ZNF597: variants seen among roughly 807,000 people sequenced by gnomAD.
ZNF597 encodes the protein zinc finger protein 597.
A neutral mutation model predicts 7.3 loss-of-function variants in ZNF597; 5 were observed. The observed-to-expected ratio is 0.68, with a 90% CI of 0.36 to 1.44. ZNF597 has a LOEUF of 1.44. ZNF597 is among the 40% of genes most tolerant of loss of function. The pLI is 0.04. For missense variants in ZNF597, 585 were observed against 517.9 expected (o/e 1.13, Z -1.26); for synonymous variants, 209 against 185.4 (o/e 1.13, Z -1.04).
Position 3,437,280 on chromosome 16 carries a change from G to A in ZNF597, c.419C>T (p.Thr140Ile), listed in dbSNP as rs1412502217. Residue 140 changes from threonine (T) to isoleucine (I), a missense_variant, in exon 4 of 4, where the codon ACA (threonine) becomes ATA (isoleucine). Coordinates refer to ENST00000301744, the MANE Select transcript of ZNF597 (RefSeq NM_152457.3). ...GGGAGAATCAAGAATTTCAGAAAGTGTGTTGGTTCCTAAATATTCAGAGAG... is the reference window on the plus strand; with the variant it reads ...GGGAGAATCAAGAATTTCAGAAAGTATGTTGGTTCCTAAATATTCAGAGAG... ...VELSEYLGTN[T>I]LSEILDSPWE... 6.2e-7 allele frequency: 1 copy of A among 1,614,220 alleles called. No homozygotes were observed. Among genetic ancestry groups the A allele is most frequent in the Non-Finnish European group, 8.5e-7 (1 of 1,180,048 alleles).
intron 3 of ZNF597, among the ~76,000 whole-genome samples, 157 bp from the exon 4 acceptor site, chr16:3,437,695 C>T (rs1039158644): frequency 1.9e-4 from 29 of 152,010 alleles, no homozygotes; most frequent in Middle Eastern, 3.2e-3. Context: ...ACCAAGCAGA[C>T]TCTCCTGGCC....
intron 3 of ZNF597, among the ~76,000 whole-genome samples, chr16:3,440,462 G>C (rs572810199): frequency 6.6e-6 from 1 of 152,214 alleles, no homozygotes; most frequent in South Asian, 2.1e-4. Flanking sequence ...GTGAAACCCT[G>C]TCTCTACTAA....
rs1423309392 is a variant in ZNF597, at chr16:3,436,621, G to A, written c.1078C>T (p.Gln360Ter). Residue 360 changes from glutamine to a stop codon, truncating the protein, a stop_gained, in exon 4 of 4, where the codon CAG becomes TAG. Transcript: ENST00000301744. LOFTEE classifies it low-confidence loss of function (END_TRUNC). ...FPCFSELISH[Q>*]NIHTEERPHK... The stretch of plus-strand genomic sequence containing the variant: ...GGCCTTTCCTCTGTATGAATGTTCT[G>A]ATGGGAAATAAGCTCAGAGAAACAA... 6.2e-7 allele frequency: 1 copy of A among 1,605,834 alleles called. No individual in the cohort carries two copies.
chr16:3,433,848 T>G lies in ZNF597; in HGVS notation c.*2576A>C, dbSNP rs1399226094. Reference sequence around the variant, plus strand: ...GTTTTCATTTTTTTCTGCATACTAATCATTAACAGTATTATACCAAAAAGC... The same window carrying G: ...GTTTTCATTTTTTTCTGCATACTAAGCATTAACAGTATTATACCAAAAAGC... On this transcript the variant is annotated 3_prime_UTR_variant, in exon 4 of 4. Coordinates refer to ENST00000301744, the MANE Select transcript of ZNF597 (RefSeq NM_152457.3). 1 of 152,180 alleles carries G rather than the reference T, an allele frequency of 6.6e-6. No individual in the cohort carries two copies. Among genetic ancestry groups the G allele is most frequent in the African/African-American group, 2.4e-5 (1 of 41,448 alleles). 9.4% of individuals were successfully genotyped at this position (152,180 alleles called of 1,614,324 possible). A position where few individuals can be genotyped will look rare whatever the true frequency, so the allele number is the denominator to read the frequency against.
chr16:3,443,192 G>A lies in ZNF597; in HGVS notation c.-39C>T, dbSNP rs753514850. On this transcript the variant is annotated 5_prime_UTR_variant, in exon 2 of 4. Transcript: ENST00000301744. ...AATGCCTTCTTCAAGACGCCACAGGGACTTCGTGACAAAGCTGCGGGGGGA... is the reference window on the plus strand; with the variant it reads ...AATGCCTTCTTCAAGACGCCACAGGAACTTCGTGACAAAGCTGCGGGGGGA... 1.9e-6 allele frequency: 3 copies of A among 1,601,366 alleles called. No individual in the cohort carries two copies. Among genetic ancestry groups the A allele is most frequent in the African/African-American group, 1.3e-5 (1 of 74,556 alleles).
intron 3 of ZNF597, among the ~76,000 whole-genome samples, chr16:3,438,217 A>G (rs2034325122): frequency 8.6e-5 from 1 of 11,622 alleles, no homozygotes; most frequent in Non-Finnish European, 3.4e-4. Context: ...CTTGTTTCTT[A>G]AAAAAAAAAA....
chr16:3,437,590 A>C (rs773617703), intron 3 of ZNF597, 52 bp from the exon 4 acceptor site: 2 of 1,524,290 alleles, frequency 1.3e-6, no homozygotes, highest in Non-Finnish European at 1.7e-6. Context: ...TTCAAGGGAT[A>C]CTGGGGAAAA....
Position 3,440,882 on chromosome 16 carries a change from C to T in ZNF597, c.85G>A (p.Val29Met), listed in dbSNP as rs1004127254. ...LAVYFSQEEC[V>M]TLHPAQRSLS... ...GACCTCTGGGCAGGGTGCAGAGTCA[C>T]GCACTCCTCTTGAGAAAAATACACA... Residue 29 changes from valine to methionine, a missense_variant, in exon 3 of 4, where the codon GTG (valine) becomes ATG (methionine). Physicochemically the swap from Val to Met is conservative, Grantham distance 21. Transcript: ENST00000301744. The T allele has an allele frequency of 1.9e-6, 3 of 1,613,896 alleles. No individual in the cohort carries two copies. The highest frequency in any genetic ancestry group is 1.7e-5 in the Admixed American group (1 of 59,994).
At position 3,436,733 on chromosome 16, in the gene ZNF597, A is replaced by G. The variant is rs772966549; in HGVS notation, c.966T>C (p.Ser322=). 12 of 1,614,110 alleles carry G rather than the reference A, an allele frequency of 7.4e-6. No individual in the cohort carries two copies. In the South Asian group the frequency reaches 7.7e-5, roughly 10 times the overall value. ...TGTCCCCATCATCGCTGCAGCGTTCAGAGTCCTCGTCGTGGCTCTTCTCGG... is the reference window on the plus strand; with the variant it reads ...TGTCCCCATCATCGCTGCAGCGTTCGGAGTCCTCGTCGTGGCTCTTCTCGG... ...ALSEKSHDED[S]ERCSDDGDNF... The change falls in exon 4 of 4, where the codon TCT becomes TCC. Residue 322 remains serine (S), a synonymous_variant. Coordinates refer to ENST00000301744, the MANE Select transcript of ZNF597 (RefSeq NM_152457.3).
chr16:3,440,406 C>T (rs1189516191), intron 3 of ZNF597, among the ~76,000 whole-genome samples: 2 of 152,050 alleles, frequency 1.3e-5, no homozygotes, highest in Non-Finnish European at 2.9e-5. Flanking sequence ...GAGGCCGAGG[C>T]GGGTGATCAC....
At chr16:3,440,072 A>G (rs1160933853) in intron 3 of ZNF597, among the ~76,000 whole-genome samples, 1 of 152,164 alleles carries the variant, frequency 6.6e-6, no homozygotes, top group Non-Finnish European at 1.5e-5. Flanking sequence ...ACTACTTAGA[A>G]TAGATAGTTT....
In ZNF597 at chr16:3,442,397, C is replaced by T. The variant is rs1299543836; in HGVS notation, c.33+724G>A. Among the ~76,000 whole-genome samples the T allele has an allele frequency of 2.0e-5, 3 of 152,048 alleles. No homozygotes were observed. The East Asian group carries it at 5.8e-4, about 29-fold the overall frequency. Reference sequence around the variant, plus strand: ...CCATCTCCATAAAGAAGTTTTAGGCCGGGCGCAGTGGCTCACACCTGTAAT... The same window carrying T: ...CCATCTCCATAAAGAAGTTTTAGGCTGGGCGCAGTGGCTCACACCTGTAAT... On this transcript the variant is annotated intron_variant, in intron 2 of 3. Transcript: ENST00000301744.
chr16:3,437,571 G>C, intron 3 of ZNF597, 33 bp from the exon 4 acceptor site: 2 of 1,557,008 alleles, frequency 1.3e-6, no homozygotes, highest in South Asian at 1.2e-5. Context: ...GCAAAACATA[G>C]ACAATATCTT....
chr16:3,437,143 AT>A lies in ZNF597; in HGVS notation c.555del (p.Lys185AsnfsTer15). 14 of 1,614,102 alleles carry A rather than the reference AT, an allele frequency of 8.7e-6. No homozygotes were observed. Among genetic ancestry groups the A allele is most frequent in the Non-Finnish European group, 1.2e-5 (14 of 1,180,008 alleles). On this transcript the variant is annotated frameshift_variant, in exon 4 of 4. Coordinates refer to ENST00000301744, the MANE Select transcript of ZNF597 (RefSeq NM_152457.3). LOFTEE classifies it low-confidence loss of function (END_TRUNC). ...TTGAAGATCTTTCCACAGTCACCAC[AT>A]TTATGTTTTTTCTCTCCTGAATGAA... ...QKIHSGEKKH[K>X]CGDCGKIFNH...
In ZNF597 at chr16:3,436,744, C is replaced by A; in HGVS notation, c.955G>T (p.Asp319Tyr). 1 of 1,613,866 alleles carries A rather than the reference C, an allele frequency of 6.2e-7. No individual in the cohort carries two copies. The highest frequency in any genetic ancestry group is 1.3e-5 in the African/African-American group (1 of 75,000). Residue 319 changes from aspartate (D) to tyrosine (Y), a missense_variant, in exon 4 of 4, where the codon GAC becomes TAC. Transcript: ENST00000301744. ...TCGCTGCAGCGTTCAGAGTCCTCGTCGTGGCTCTTCTCGGAAAGGGCAGGA... is the reference window on the plus strand; with the variant it reads ...TCGCTGCAGCGTTCAGAGTCCTCGTAGTGGCTCTTCTCGGAAAGGGCAGGA... ...LYPALSEKSHDEDSERCSDDG... is the reference protein window; with the variant it reads ...LYPALSEKSHYEDSERCSDDG...
At chr16:3,441,821 T>TA (rs1263001774) in intron 2 of ZNF597, among the ~76,000 whole-genome samples, 3 of 144,992 alleles carry the variant, frequency 2.1e-5, no homozygotes, top group African/African-American at 7.8e-5. Flanking sequence ...TAAATTAAAA[T>TA]AAAATGAAAT....
chr16:3,442,741 C>G (rs1038175799), intron 2 of ZNF597, among the ~76,000 whole-genome samples: 1 of 151,972 alleles, frequency 6.6e-6, no homozygotes, highest in African/African-American at 2.4e-5. Context: ...CTCAGATACT[C>G]GAGAGGCTGA....
At chr16:3,440,621 G>A (rs141393447) in intron 3 of ZNF597, among the ~76,000 whole-genome samples, 186 bp downstream of exon 3, 2,904 of 151,812 alleles carry the variant, frequency 0.019, 90 homozygotes, top group African/African-American at 0.063. Flanking sequence ...GCAACAGAGC[G>A]AGAGTCTGTC....
intron 2 of ZNF597, among the ~76,000 whole-genome samples, chr16:3,442,217 A>G (rs2034390814): frequency 6.6e-6 from 1 of 152,172 alleles, no homozygotes; most frequent in African/African-American, 2.4e-5. Context: ...GAGTCTAGAA[A>G]TGTGCTTAAT....
Sources: gnomAD v4.1 joint callset for allele counts (sites outside exome capture counted in the v4.1 genomes callset) on GRCh38, gnomAD v4.1.1 for gene constraint, MANE v1.5 for transcripts, NCBI Gene and HGNC (gene_info 2026-07-23, HGNC 2026-07-21) for gene names.